NAV3: variants seen among roughly 807,000 people sequenced by gnomAD.
NAV3 encodes the protein pore membrane and/or filament interacting like protein 1.
NAV3 carries 87 observed loss-of-function variants against 244.7 expected under a neutral mutation model. That is an observed-to-expected ratio of 0.36 (90% CI 0.30 to 0.42). The LOEUF is 0.42. Ranked by LOEUF, NAV3 falls within the 20% of genes least tolerant of loss-of-function variation. The probability of loss-of-function intolerance (pLI) is 1.00; values close to 1 mark genes in which losing one functional copy is unlikely to be tolerated. For missense variants in NAV3, 2,663 were observed against 2,893.3 expected (o/e 0.92, Z 1.83); for synonymous variants, 1,126 against 1,042.2 (o/e 1.08, Z -1.55).
chr12:78,174,304 AT>A (rs1487304132), intron 24 of NAV3, among the ~76,000 whole-genome samples: 1 of 151,866 alleles, frequency 6.6e-6, no homozygotes, highest in Non-Finnish European at 1.5e-5. Context: ...TACCTTTAAC[AT>A]GATTAAATAT....
At chr12:77,635,930 T>A (rs542896127) in intron 2 of NAV3, among the ~76,000 whole-genome samples, 1 of 152,330 alleles carries the variant, frequency 6.6e-6, no homozygotes, top group Admixed American at 6.5e-5. Flanking sequence ...AAAGTCAGCC[T>A]CTTACTCTCC....
At chr12:77,993,294 A>G (rs1211754783) in intron 5 of NAV3, among the ~76,000 whole-genome samples, 1 of 152,228 alleles carries the variant, frequency 6.6e-6, no homozygotes, top group African/African-American at 2.4e-5. Flanking sequence ...AGTGGTAAAC[A>G]GTTCTCTTAC....
At chr12:77,996,523 C>A (rs12314584) in intron 6 of NAV3, among the ~76,000 whole-genome samples, 1,876 of 152,228 alleles carry the variant, frequency 0.012, 37 homozygotes, top group African/African-American at 0.043. Flanking sequence ...ATTAACCGTT[C>A]TAAGAAATCA....
chr12:77,911,243 AG>A (rs1239698208), intron 1 of NAV3, among the ~76,000 whole-genome samples: 15 of 152,148 alleles, frequency 9.9e-5, no homozygotes, highest in Non-Finnish European at 2.1e-4. Context: ...GATAAAAGGC[AG>A]CCAGAAACAG....
At chr12:78,018,311 A>G (rs184858121) in intron 8 of NAV3, among the ~76,000 whole-genome samples, 44 of 152,294 alleles carry the variant, frequency 2.9e-4, no homozygotes, top group African/African-American at 1.0e-3. Context: ...TTTAAAAAGC[A>G]TGTCTCAGAC....
chr12:78,172,203 G>T (rs1958029505), intron 24 of NAV3, among the ~76,000 whole-genome samples: 1 of 151,600 alleles, frequency 6.6e-6, no homozygotes, highest in Admixed American at 6.6e-5. Flanking sequence ...ATATGGAATT[G>T]TTTTTCCTTA....
chr12:77,991,173 G>T (rs562148930), intron 5 of NAV3, among the ~76,000 whole-genome samples: 1 of 151,856 alleles, frequency 6.6e-6, no homozygotes, highest in East Asian at 1.9e-4. Context: ...TTACAGGCAC[G>T]CACCACCAGG....
Position 77,606,001 on chromosome 12 carries a change from A to G in NAV3, c.72+33735A>G, listed in dbSNP as rs547376028. 3.9e-5 allele frequency among the ~76,000 whole-genome samples: 6 copies of G among 152,240 alleles called. No homozygotes were observed. In the South Asian group the frequency reaches 1.0e-3, roughly 26 times the overall value. The stretch of plus-strand genomic sequence containing the variant: ...GAATATATTTTAACATACAACCACT[A>G]TTTTACTACCTTGGTTTTTTAAGAC... On this transcript the variant is annotated intron_variant, in intron 2 of 8. Transcript: ENST00000550042.
chr12:77,726,406 C>A (rs1030273753), intron 2 of NAV3, among the ~76,000 whole-genome samples: 3 of 151,784 alleles, frequency 2.0e-5, no homozygotes, highest in Admixed American at 2.0e-4. Context: ...AGGTGCCCTG[C>A]AAATAAATGG....
At chr12:77,944,411 T>C (rs1275037260) in intron 3 of NAV3, among the ~76,000 whole-genome samples, 1 of 152,066 alleles carries the variant, frequency 6.6e-6, no homozygotes, top group Non-Finnish European at 1.5e-5. Context: ...ATGGCCCCAA[T>C]TTTTTAGCCT....
intron 3 of NAV3, among the ~76,000 whole-genome samples, chr12:77,955,954 T>C (rs1249027453): frequency 6.6e-6 from 1 of 152,208 alleles, no homozygotes; most frequent in East Asian, 1.9e-4. Flanking sequence ...GTCATAATAT[T>C]TATTGCATTA....
intron 7 of NAV3, among the ~76,000 whole-genome samples, chr12:78,002,407 G>T (rs1433482449): frequency 6.6e-6 from 1 of 152,172 alleles, no homozygotes; most frequent in Admixed American, 6.5e-5. Context: ...CTAATCAGGT[G>T]TCTTCTGGTG....
chr12:78,168,295 A>G (rs1008627671), intron 23 of NAV3, among the ~76,000 whole-genome samples: 3 of 151,838 alleles, frequency 2.0e-5, no homozygotes, highest in Non-Finnish European at 2.9e-5. Context: ...TGCAGGCACA[A>G]AATACTTCAA....
At chr12:77,904,278 A>C (rs2136959791) in intron 1 of NAV3, among the ~76,000 whole-genome samples, 1 of 152,312 alleles carries the variant, frequency 6.6e-6, no homozygotes, top group South Asian at 2.1e-4. Context: ...GATTAAGAAA[A>C]TGTGGCACAT....
At chr12:77,631,649 A>G (rs11106039) in intron 2 of NAV3, among the ~76,000 whole-genome samples, 8,876 of 152,168 alleles carry the variant, frequency 0.058, 895 homozygotes, top group African/African-American at 0.2. Flanking sequence ...TGATAATAAT[A>G]TTGACATTGA....
At chr12:77,778,874 A>T (rs1870526180) in intron 2 of NAV3, among the ~76,000 whole-genome samples, 1 of 152,232 alleles carries the variant, frequency 6.6e-6, no homozygotes, top group Non-Finnish European at 1.5e-5. Flanking sequence ...GGACAAAAAG[A>T]AGCTGAATCC....
chr12:77,818,225 C>A (rs1051621132), intron 2 of NAV3, among the ~76,000 whole-genome samples: 1 of 152,076 alleles, frequency 6.6e-6, no homozygotes, highest in African/African-American at 2.4e-5. Flanking sequence ...TCCTATAAAT[C>A]ACAAATATTT....
intron 35 of NAV3, 98 bp from the exon 36 acceptor site, chr12:78,198,507 A>C: frequency 1.5e-6 from 1 of 647,174 alleles, no homozygotes; most frequent in African/African-American, 1.9e-5. Context: ...TTGAAATGGA[A>C]TAATCCATAT....
chr12:77,842,200 G>C (rs1359064489), intron 1 of NAV3, among the ~76,000 whole-genome samples: 1 of 152,158 alleles, frequency 6.6e-6, no homozygotes, highest in Non-Finnish European at 1.5e-5. Context: ...ACTAAATAAA[G>C]ATCTTGCAGT....
Sources: allele counts gnomAD v4.1 joint callset (sites outside exome capture counted in the v4.1 genomes callset), GRCh38; gene constraint gnomAD v4.1.1; transcripts MANE v1.5; gene names NCBI Gene and HGNC (gene_info 2026-07-23, HGNC 2026-07-21).